Variants in KDELR2 observed in about 807,000 individuals in gnomAD.
The protein encoded by KDELR2 is ER lumen protein-retaining receptor 2.
In KDELR2, 15 loss-of-function variants were observed where a neutral mutation model predicts 23.9. That is an observed-to-expected ratio of 0.63 (90% CI 0.42 to 0.97). The LOEUF (loss-of-function observed/expected upper bound fraction) is 0.97, where lower values mean the gene tolerates loss of function less well. KDELR2 is among the 50% of genes least tolerant of loss of function. The pLI, the probability that KDELR2 is intolerant of heterozygous loss-of-function variation, is 0.00. For synonymous variants in KDELR2, 119 were observed against 106.2 expected, an observed-to-expected ratio of 1.12 and a Z score of -0.74; for missense variants, 272 against 254.6, an observed-to-expected ratio of 1.07 and a Z score of -0.46.
chr7:6,474,330 G>C (rs755970808), intron 1 of KDELR2, 46 bp from the exon 2 acceptor site: 1 of 1,278,484 alleles, frequency 7.8e-7, no homozygotes, highest in South Asian at 1.2e-5. Flanking sequence ...AAGAGCTTTG[G>C]GATTCCTGTG....
intron 1 of KDELR2, 63 bp downstream of exon 1, chr7:6,483,904 C>T: frequency 7.8e-7 from 1 of 1,288,280 alleles, no homozygotes; most frequent in Non-Finnish European, 1.0e-6. Flanking sequence ...CCGAGGTCGG[C>T]GGGTCCTCGG....
chr7:6,481,447 A>C (rs55858049), intron 1 of KDELR2, among the ~76,000 whole-genome samples: 16,345 of 151,978 alleles, frequency 0.11, 995 homozygotes, highest in African/African-American at 0.18. Flanking sequence ...TTTGGATAAA[A>C]GTTTAGGAGA....
At chr7:6,476,123 C>T (rs563937072) in intron 1 of KDELR2, among the ~76,000 whole-genome samples, 57 of 152,304 alleles carry the variant, frequency 3.7e-4, no homozygotes, top group African/African-American at 1.3e-3. Context: ...TATGAACAAT[C>T]ATTTTGCAGC....
intron 3 of KDELR2, among the ~76,000 whole-genome samples, chr7:6,468,919 G>A (rs1263141762): frequency 1.3e-5 from 2 of 151,858 alleles, no homozygotes; most frequent in Non-Finnish European, 2.9e-5. Flanking sequence ...GTGATTACAG[G>A]TGTGGTGAGC....
rs895772824 is a variant in KDELR2, at chr7:6,466,440, C to A, written c.352-117G>T. 3.1e-6 allele frequency: 4 copies of A among 1,297,738 alleles called. No homozygotes were observed. The South Asian group carries it at 5.7e-5, about 18-fold the overall frequency. 80.4% of individuals were successfully genotyped at this position (1,297,738 alleles called of 1,614,324 possible). ...AAGATGAGTGGGGAGTGGGGCATGT[C>A]GGCCCAAAATAGAACAACAGCTTGG... On this transcript the variant is annotated intron_variant, in intron 3 of 4. Transcript: ENST00000258739.
intron 3 of KDELR2, among the ~76,000 whole-genome samples, chr7:6,469,092 C>G (rs1054829863): frequency 1.3e-5 from 2 of 151,942 alleles, no homozygotes; most frequent in African/African-American, 4.8e-5. Flanking sequence ...GCTGGGACTA[C>G]AGGTGCCCGC....
chr7:6,483,664 C>T (rs1345599330), intron 1 of KDELR2, among the ~76,000 whole-genome samples: 1 of 152,236 alleles, frequency 6.6e-6, no homozygotes, highest in African/African-American at 2.4e-5. Context: ...CTGTCGGACC[C>T]CCCGTCCCAC....
At chr7:6,464,646 C>G (rs923870053) in intron 4 of KDELR2, among the ~76,000 whole-genome samples, 1 of 151,580 alleles carries the variant, frequency 6.6e-6, no homozygotes, top group Non-Finnish European at 1.5e-5. Flanking sequence ...GAGCTGAGAG[C>G]AAGCCACTGC....
At position 6,462,824 on chromosome 7, in the gene KDELR2, T is replaced by A. The variant is rs1244945007; in HGVS notation, c.*317A>T. ...AGAATTTTTTAAAATAAAAAAAAAA[T>A]TTGCACTTATTCCTCACAAAATCTT... On this transcript the variant is annotated 3_prime_UTR_variant, in exon 5 of 5. Transcript: ENST00000258739. 6.1e-5 allele frequency: 38 copies of A among 627,414 alleles called. No individual in the cohort carries two copies. The highest frequency in any genetic ancestry group is 7.4e-5 in the Non-Finnish European group (29 of 393,306). 38.9% of individuals were successfully genotyped at this position (627,414 alleles called of 1,614,324 possible).
intron 3 of KDELR2, 150 bp from the exon 4 acceptor site, chr7:6,466,473 A>G (rs1397242646): frequency 1.9e-5 from 17 of 904,298 alleles, no homozygotes; most frequent in Admixed American, 8.0e-5. Context: ...TGGCAACTGC[A>G]TAACCCAGTG....
At chr7:6,479,742 C>T (rs927697019) in intron 1 of KDELR2, among the ~76,000 whole-genome samples, 1 of 152,106 alleles carries the variant, frequency 6.6e-6, no homozygotes, top group Non-Finnish European at 1.5e-5. Flanking sequence ...CTCCCAAAGT[C>T]CTAGGATTAC....
rs1785422454 is a variant in KDELR2 at position 6,463,098 on chromosome 7, C to T, written c.*43G>A. ...GCCTTTGCTGTGGTAAGAATTCTGTCCGAGCACCCTGAAGGACAGATGCTG... is the reference window on the plus strand; with the variant it reads ...GCCTTTGCTGTGGTAAGAATTCTGTTCGAGCACCCTGAAGGACAGATGCTG... On this transcript the variant is annotated 3_prime_UTR_variant, in exon 5 of 5. Coordinates refer to ENST00000258739, the MANE Select transcript of KDELR2 (RefSeq NM_006854.4). 3 of 1,614,146 alleles carry T rather than the reference C, an allele frequency of 1.9e-6. No homozygotes were observed. In the East Asian group the frequency reaches 6.7e-5, roughly 36 times the overall value.
intron 2 of KDELR2, among the ~76,000 whole-genome samples, chr7:6,471,705 G>A (rs1335372912): frequency 1.3e-5 from 2 of 152,102 alleles, no homozygotes; most frequent in African/African-American, 2.4e-5. Flanking sequence ...TGCGTCCATT[G>A]GTGGTCCATT....
intron 4 of KDELR2, among the ~76,000 whole-genome samples, chr7:6,463,844 T>C (rs1033575238): frequency 2.7e-5 from 4 of 150,672 alleles, no homozygotes; most frequent in African/African-American, 9.7e-5. Flanking sequence ...GCGGATCTCC[T>C]GAGGTCAGGA....
intron 2 of KDELR2, among the ~76,000 whole-genome samples, chr7:6,471,473 C>A (rs550849365): frequency 1.3e-5 from 2 of 152,230 alleles, no homozygotes; most frequent in East Asian, 3.9e-4. Context: ...AGCCACAGCA[C>A]CCGGCCTGTT....
chr7:6,476,301 T>C (rs1432348363), intron 1 of KDELR2, among the ~76,000 whole-genome samples: 3 of 35,128 alleles, frequency 8.5e-5, no homozygotes, highest in Non-Finnish European at 2.2e-4. Context: ...ACACGGACAG[T>C]GAATCTGCTC....
At chr7:6,472,293 G>C (rs1158806446) in intron 2 of KDELR2, among the ~76,000 whole-genome samples, 1 of 152,174 alleles carries the variant, frequency 6.6e-6, no homozygotes, top group Non-Finnish European at 1.5e-5. Flanking sequence ...CTTGATGGGC[G>C]TTATTTCCAC....
At chr7:6,478,241 G>C (rs1785796844) in intron 1 of KDELR2, among the ~76,000 whole-genome samples, 1 of 151,818 alleles carries the variant, frequency 6.6e-6, no homozygotes, top group Admixed American at 6.6e-5. Context: ...CTGCAGCCTG[G>C]GGCTTAAGCG....
chr7:6,481,969 GTTTATTTATTTA>G (rs66801708), intron 1 of KDELR2, among the ~76,000 whole-genome samples: 18,029 of 147,088 alleles, frequency 0.12, 1,306 homozygotes, highest in African/African-American at 0.19. Context: ...TCCTAAGGTC[GTTTATTTATTTA>G]TTTATTTATT....
Sources: allele counts gnomAD v4.1 joint callset (sites outside exome capture counted in the v4.1 genomes callset), GRCh38; gene constraint gnomAD v4.1.1; transcripts MANE v1.5; gene names NCBI Gene and HGNC (gene_info 2026-07-23, HGNC 2026-07-21).